Variants in GLRA2 observed in about 807,000 individuals in gnomAD.
The protein encoded by GLRA2 is glycine receptor alpha 2, also known as glycine receptor subunit alpha-2.
Under a neutral mutation model 31.6 loss-of-function variants are expected in GLRA2, and 11 were observed. The observed-to-expected ratio is 0.35, with a 90% CI of 0.22 to 0.58. The LOEUF (loss-of-function observed/expected upper bound fraction) is 0.58, where lower values mean the gene tolerates loss of function less well. Among genes scored for constraint, GLRA2 ranks in the 20% least tolerant of loss-of-function variants. The pLI, the probability that GLRA2 is intolerant of heterozygous loss-of-function variation, is 0.84. For missense variants in GLRA2, 212 were observed against 351.8 expected (o/e 0.60, Z 3.18); for synonymous variants, 132 against 134.0 (o/e 0.99, Z 0.10).
chrX:14,496,636 GT>G, the GLRA2 span, among the ~76,000 whole-genome samples: 4 of 111,906 alleles, frequency 3.6e-5, no homozygotes, highest in African/African-American at 1.3e-4. Flanking sequence ...ATTCTGAAAG[GT>G]TCAAACTGTT....
the GLRA2 span, among the ~76,000 whole-genome samples, chrX:14,514,242 G>A: frequency 1.2e-4 from 13 of 109,054 alleles, no homozygotes; most frequent in African/African-American, 4.3e-4. Flanking sequence ...GTGGACTTTG[G>A]GGACTCGGGG....
chrX:14,679,100 ACAC>A (rs748032911), intron 7 of GLRA2, among the ~76,000 whole-genome samples: 7 of 109,851 alleles, frequency 6.4e-5, no homozygotes, highest in Admixed American at 2.9e-4. Flanking sequence ...CTCAACATAC[ACAC>A]CACCACCACC....
At position 14,730,521 on chromosome X, in the gene GLRA2, G is replaced by A. The variant is rs757084634; in HGVS notation, c.*36G>A. 8.5e-6 allele frequency: 8 copies of A among 941,312 alleles called. No individual in the cohort carries two copies. Among genetic ancestry groups the A allele is most frequent in the Non-Finnish European group, 1.1e-5 (8 of 699,186 alleles). The allele number at this position is 941,312 out of a possible 1,213,427, so 77.6% of individuals were successfully genotyped here. A position where few individuals can be genotyped will look rare whatever the true frequency, so the allele number is the denominator to read the frequency against. On this transcript the variant is annotated 3_prime_UTR_variant, in exon 9 of 9. Transcript: ENST00000218075. ...CAGACCCTGGGACCTTCTTGCCTCA[G>A]TGTTGTGCTTGTAAATACACAGTGA... is the stretch of plus-strand genomic sequence containing the variant.
intron 8 of GLRA2, among the ~76,000 whole-genome samples, chrX:14,705,030 A>G (rs2091600620): frequency 8.9e-6 from 1 of 112,510 alleles, no homozygotes; most frequent in Admixed American, 9.4e-5. Flanking sequence ...CAGCATTTGT[A>G]AAGTTCATTT....
At chrX:14,548,950 T>A (rs182698341) in intron 2 of GLRA2, among the ~76,000 whole-genome samples, 1 of 111,579 alleles carries the variant, frequency 9.0e-6, no homozygotes, top group Non-Finnish European at 1.9e-5. Context: ...AGTTCTCAAG[T>A]ACAGGATTCT....
the GLRA2 span, among the ~76,000 whole-genome samples, chrX:14,460,183 T>G: frequency 9.8e-5 from 11 of 112,028 alleles, no homozygotes; most frequent in African/African-American, 3.6e-4. Context: ...GTTTTTGATT[T>G]GCGTATGTTG....
intron 8 of GLRA2, among the ~76,000 whole-genome samples, chrX:14,710,982 T>C (rs2147233771): frequency 8.9e-6 from 1 of 112,406 alleles, no homozygotes; most frequent in Admixed American, 9.4e-5. Context: ...AGTCACAGAG[T>C]TGTTAAAAGT....
chrX:14,604,350 A>C lies in GLRA2; in HGVS notation c.530A>C (p.Lys177Thr). The C allele has an allele frequency of 1.7e-6, 2 of 1,186,881 alleles. No individual in the cohort carries two copies. Among genetic ancestry groups the C allele is most frequent in the Non-Finnish European group, 2.3e-6 (2 of 874,673 alleles). ...ACCTTATCCTGTCCCATGGACTTGA[A>C]GAACTTTCCGATGGATGTCCAGACC... ...TLTLSCPMDL[K>T]NFPMDVQTCT... is the part of the protein sequence containing the mutation. The change falls in exon 5 of 9, where the codon AAG becomes ACG. Residue 177 changes from lysine (K) to threonine (T), a missense_variant. By Grantham distance (78) the Lys-to-Thr change is moderately conservative. Around this residue, in one of 5 missense-constraint regions of GLRA2, gnomAD observed 110 missense variants for 232.6 expected, o/e 0.47. Transcript: ENST00000218075.
At chrX:14,470,964 G>A in the GLRA2 span, among the ~76,000 whole-genome samples, 1 of 110,679 alleles carries the variant, frequency 9.0e-6, no homozygotes, top group Non-Finnish European at 1.9e-5. Flanking sequence ...TATTTTGATT[G>A]TAAATATCAA....
chrX:14,675,346 T>C (rs2091134935), intron 7 of GLRA2, among the ~76,000 whole-genome samples: 1 of 111,769 alleles, frequency 8.9e-6, no homozygotes, highest in South Asian at 3.7e-4. Flanking sequence ...TTTGGCAAGC[T>C]ACTTTAAACA....
chrX:14,524,981 CTA>C (rs1202857672), upstream of GLRA2, among the ~76,000 whole-genome samples: 1 of 110,626 alleles, frequency 9.0e-6, no homozygotes, highest in Non-Finnish European at 1.9e-5. Context: ...CTTACACAAA[CTA>C]TAGATTCCTC....
intron 2 of GLRA2, among the ~76,000 whole-genome samples, chrX:14,555,681 T>C (rs111232084): frequency 4.5e-4 from 51 of 112,158 alleles, no homozygotes; most frequent in African/African-American, 1.3e-3. Context: ...ATCTCATAGG[T>C]TTAGCTTAAA....
At chrX:14,567,451 T>C (rs1397443655) in intron 2 of GLRA2, among the ~76,000 whole-genome samples, 1 of 112,048 alleles carries the variant, frequency 8.9e-6, no homozygotes, top group Non-Finnish European at 1.9e-5. Context: ...GAACACTTCC[T>C]CAATATGATA....
intron 5 of GLRA2, among the ~76,000 whole-genome samples, chrX:14,605,796 C>T (rs186748654): frequency 8.9e-6 from 1 of 111,761 alleles, no homozygotes. Context: ...CTGCTGTCTT[C>T]CCCATGCTGG....
chrX:14,584,278 G>T (rs745761848), intron 4 of GLRA2, among the ~76,000 whole-genome samples: 7 of 111,745 alleles, frequency 6.3e-5, no homozygotes, highest in East Asian at 5.6e-4. Flanking sequence ...TTTGGTTTTT[G>T]TCTTTTTTGT....
At chrX:14,723,994 T>G (rs1455594758) in intron 8 of GLRA2, among the ~76,000 whole-genome samples, 2 of 111,919 alleles carry the variant, frequency 1.8e-5, no homozygotes, top group Non-Finnish European at 3.8e-5. Flanking sequence ...CCCCGGCACA[T>G]AGCACAGTGC....
chrX:14,493,648 T>C, the GLRA2 span, among the ~76,000 whole-genome samples: 82 of 97,210 alleles, frequency 8.4e-4, 1 homozygote, highest in African/African-American at 3.1e-3. Context: ...TACATATATA[T>C]ACATATGTAC....
chrX:14,505,372 C>T, the GLRA2 span, among the ~76,000 whole-genome samples: 1 of 111,639 alleles, frequency 9.0e-6, no homozygotes, highest in Non-Finnish European at 1.9e-5. Flanking sequence ...GGCTTTAGCA[C>T]TGAAAGTCCT....
At chrX:14,566,472 C>T (rs2089808178) in intron 2 of GLRA2, among the ~76,000 whole-genome samples, 1 of 111,947 alleles carries the variant, frequency 8.9e-6, no homozygotes. Context: ...ATACCAAAGT[C>T]AGATAAAATC....
Sources: allele counts gnomAD v4.1 joint callset (sites outside exome capture counted in the v4.1 genomes callset), GRCh38; gene constraint gnomAD v4.1.1; regional missense constraint gnomAD v4.1.1; transcripts MANE v1.5; gene names NCBI Gene and HGNC (gene_info 2026-07-23, HGNC 2026-07-21).